Variants in KCNN2 observed in about 807,000 individuals in gnomAD.
KCNN2 encodes the protein potassium calcium-activated channel subfamily N member 2, also known as small conductance calcium-activated potassium channel protein 2.
In KCNN2, 24 loss-of-function variants were observed where a neutral mutation model predicts 55.5. The ratio of observed to expected loss-of-function variants is 0.43; its 90% CI spans 0.31 to 0.61. The LOEUF is 0.61. KCNN2 is among the 20% of genes least tolerant of loss of function. The probability of loss-of-function intolerance (pLI) is 0.08; values close to 1 mark genes in which losing one functional copy is unlikely to be tolerated. For missense variants in KCNN2, 754 were observed against 853.6 expected (o/e 0.88, Z 1.45); for synonymous variants, 431 against 336.1 (o/e 1.28, Z -3.09).
At chr5:114,279,418 T>A (rs1476428444) in intron 2 of KCNN2, among the ~76,000 whole-genome samples, 1 of 152,176 alleles carries the variant, frequency 6.6e-6, no homozygotes, top group African/African-American at 2.4e-5. Flanking sequence ...GTGATTTACA[T>A]TAGGTATATC....
intron 1 of KCNN2, among the ~76,000 whole-genome samples, chr5:114,154,275 G>A (rs1301851831): frequency 2.0e-5 from 3 of 152,142 alleles, no homozygotes; most frequent in Non-Finnish European, 2.9e-5. Context: ...TATGGCATGT[G>A]CAGAGAAACA....
chr5:114,190,331 C>G (rs1753425017), intron 1 of KCNN2, among the ~76,000 whole-genome samples: 1 of 151,970 alleles, frequency 6.6e-6, no homozygotes, highest in South Asian at 2.1e-4. Flanking sequence ...CAACAGGAAT[C>G]AAATTAATGA....
At chr5:114,450,972 A>ATAATG (rs1219237702) in intron 3 of KCNN2, among the ~76,000 whole-genome samples, 2 of 152,380 alleles carry the variant, frequency 1.3e-5, no homozygotes, top group East Asian at 1.9e-4. Context: ...TAATTTTCAA[A>ATAATG]TAATGTAATT....
At chr5:114,087,420 TA>T (rs987947982) in intron 1 of KCNN2, among the ~76,000 whole-genome samples, 2 of 152,210 alleles carry the variant, frequency 1.3e-5, no homozygotes, top group South Asian at 2.1e-4. Context: ...GTCTTACATT[TA>T]AGTCTTTAAT....
chr5:114,292,314 T>A (rs1272476564), intron 2 of KCNN2, among the ~76,000 whole-genome samples: 1 of 152,260 alleles, frequency 6.6e-6, no homozygotes, highest in Non-Finnish European at 1.5e-5. Context: ...CTAGGGTTTT[T>A]ATGGGTTTAG....
chr5:114,146,199 G>C (rs1182507366), intron 1 of KCNN2, among the ~76,000 whole-genome samples: 2 of 152,128 alleles, frequency 1.3e-5, no homozygotes, highest in East Asian at 1.9e-4. Flanking sequence ...TTCGGTGACA[G>C]TAACAGAACT....
intron 1 of KCNN2, among the ~76,000 whole-genome samples, chr5:114,165,522 A>G (rs1020853049): frequency 1.3e-5 from 2 of 152,096 alleles, no homozygotes; most frequent in Non-Finnish European, 2.9e-5. Flanking sequence ...AAGTGACTAA[A>G]AGTTCTTTAC....
At chr5:114,132,044 G>A (rs1040672333) in intron 1 of KCNN2, among the ~76,000 whole-genome samples, 1 of 152,190 alleles carries the variant, frequency 6.6e-6, no homozygotes, top group South Asian at 2.1e-4. Context: ...TTGTCAGACG[G>A]ATAGATTGCA....
intron 2 of KCNN2, among the ~76,000 whole-genome samples, chr5:114,323,902 C>T (rs373568665): frequency 9.9e-4 from 150 of 151,902 alleles, no homozygotes; most frequent in African/African-American, 3.6e-3. Flanking sequence ...CCGCCTTGGC[C>T]TCCCAAAGTG....
intron 2 of KCNN2, among the ~76,000 whole-genome samples, chr5:114,226,153 TA>T (rs536645451): frequency 5.9e-5 from 9 of 152,048 alleles, no homozygotes; most frequent in South Asian, 4.2e-4. Context: ...TACATTTAAT[TA>T]AAAAAAATAC....
chr5:114,242,929 C>A (rs1754673232), intron 2 of KCNN2, among the ~76,000 whole-genome samples: 1 of 152,118 alleles, frequency 6.6e-6, no homozygotes, highest in Non-Finnish European at 1.5e-5. Context: ...CTCATTCATT[C>A]ATCTATTTAT....
At chr5:114,452,176 A>G (rs1425258378) in intron 3 of KCNN2, among the ~76,000 whole-genome samples, 1 of 152,170 alleles carries the variant, frequency 6.6e-6, no homozygotes, top group Non-Finnish European at 1.5e-5. Context: ...AGTTCCAGAG[A>G]GAGTAGTTTC....
At chr5:114,483,319 G>A (rs1481836401) in intron 5 of KCNN2, among the ~76,000 whole-genome samples, 2 of 144,568 alleles carry the variant, frequency 1.4e-5, no homozygotes, top group Admixed American at 7.1e-5. Context: ...TTGTCACCCA[G>A]GCTGGAGCAC....
chr5:114,316,555 G>A (rs182563597), intron 2 of KCNN2, among the ~76,000 whole-genome samples: 107 of 152,236 alleles, frequency 7.0e-4, no homozygotes, highest in Non-Finnish European at 1.1e-3. Flanking sequence ...TCCAGCAGTA[G>A]GAATTGCTGA....
intron 1 of KCNN2, among the ~76,000 whole-genome samples, chr5:114,083,925 C>T (rs1035582663): frequency 2.6e-5 from 4 of 152,034 alleles, no homozygotes; most frequent in Admixed American, 6.6e-5. Context: ...ATGTTGGAAT[C>T]GTAGTATGTG....
chr5:114,080,686 C>G (rs1292087062), intron 1 of KCNN2, among the ~76,000 whole-genome samples: 1 of 152,058 alleles, frequency 6.6e-6, no homozygotes, highest in Non-Finnish European at 1.5e-5. Flanking sequence ...ACTATCTCAA[C>G]ATAATAAAAA....
In KCNN2 at chr5:114,151,828, T is replaced by C. The variant is rs535476710; in HGVS notation, c.-270-69652T>C. 3.3e-5 allele frequency among the ~76,000 whole-genome samples: 5 copies of C among 152,272 alleles called. No individual in the cohort carries two copies. The South Asian group carries it at 6.2e-4, about 19-fold the overall frequency. On this transcript the variant is annotated intron_variant, in intron 1 of 10. Transcript: ENST00000512097. ...AAAAAAAAATCTCTCCATGGTACTA[T>C]AGGGAAAGTGCTTTCTCTTTATCAC...
At chr5:114,383,757 C>A (rs1402568649) in intron 2 of KCNN2, among the ~76,000 whole-genome samples, 5 of 152,180 alleles carry the variant, frequency 3.3e-5, no homozygotes, top group African/African-American at 1.2e-4. Flanking sequence ...CATGAGCCAC[C>A]ATGCCTGGCC....
rs937449237 is a variant in KCNN2, at chr5:114,272,330, A to G, written c.-185+50765A>G. ...CACACACACACATATATGTATGTAC[A>G]TATACACACATATATGTATGTACAT... On this transcript the variant is annotated intron_variant, in intron 2 of 10. Transcript: ENST00000512097. Among the ~76,000 whole-genome samples, 115 of 128,860 alleles carry G rather than the reference A, an allele frequency of 8.9e-4. 2 individuals carry two copies. The highest frequency in any genetic ancestry group is 3.2e-3 in the African/African-American group (108 of 33,550). 84.5% of individuals were successfully genotyped at this position (128,860 alleles called of 152,430 possible). A position where few individuals can be genotyped will look rare whatever the true frequency, so the allele number is the denominator to read the frequency against.
Sources: gnomAD v4.1 joint callset for allele counts (sites outside exome capture counted in the v4.1 genomes callset) on GRCh38, gnomAD v4.1.1 for gene constraint, MANE v1.5 for transcripts, NCBI Gene and HGNC (gene_info 2026-07-23, HGNC 2026-07-21) for gene names.